CNTNAP2: variants seen among roughly 807,000 people sequenced by gnomAD.
The protein encoded by CNTNAP2 is contactin associated protein 2.
A neutral mutation model predicts 155.2 loss-of-function variants in CNTNAP2; 98 were observed. The ratio of observed to expected loss-of-function variants is 0.63; its 90% CI spans 0.54 to 0.75. The LOEUF (loss-of-function observed/expected upper bound fraction) is 0.75. Among genes scored for constraint, CNTNAP2 ranks in the 30% least tolerant of loss-of-function variants. The pLI is 0.00. For missense variants in CNTNAP2, 1,727 were observed against 1,688.1 expected, an observed-to-expected ratio of 1.02 and a Z score of -0.40; for synonymous variants, 651 against 631.2, an observed-to-expected ratio of 1.03 and a Z score of -0.47.
chr7:148,295,182 T>C (rs1315897450), intron 21 of CNTNAP2, among the ~76,000 whole-genome samples: 1 of 152,336 alleles, frequency 6.6e-6, no homozygotes, highest in African/African-American at 2.4e-5. Flanking sequence ...AAATTTGTGA[T>C]GATCCACTTA....
At chr7:148,062,011 T>TAGAG (rs374161359) in intron 15 of CNTNAP2, among the ~76,000 whole-genome samples, 2,995 of 83,628 alleles carry the variant, frequency 0.036, 172 homozygotes, top group East Asian at 0.12. Context: ...AGATAGATGA[T>TAGAG]AGAGAGAGAG....
At chr7:147,351,927 C>T (rs1425223454) in intron 9 of CNTNAP2, among the ~76,000 whole-genome samples, 6 of 151,886 alleles carry the variant, frequency 4.0e-5, no homozygotes, top group African/African-American at 1.4e-4. Flanking sequence ...AATCTTCTTT[C>T]AATGGCCGTG....
intron 3 of CNTNAP2, among the ~76,000 whole-genome samples, chr7:146,854,729 GT>G (rs1339561347): frequency 3.9e-5 from 6 of 152,134 alleles, no homozygotes; most frequent in Non-Finnish European, 5.9e-5. Flanking sequence ...AAAGAAATAT[GT>G]TTGGATGTCA....
chr7:147,907,239 G>A (rs2116758188), intron 14 of CNTNAP2, among the ~76,000 whole-genome samples: 1 of 152,076 alleles, frequency 6.6e-6, no homozygotes, highest in East Asian at 1.9e-4. Context: ...TGTATTTTTA[G>A]TAGAGACGGG....
chr7:147,874,970 C>T (rs1799398553), intron 13 of CNTNAP2, among the ~76,000 whole-genome samples: 1 of 152,154 alleles, frequency 6.6e-6, no homozygotes. Flanking sequence ...CATCTGAGAC[C>T]ACCTCAGCCT....
intron 13 of CNTNAP2, among the ~76,000 whole-genome samples, chr7:147,833,527 A>G (rs1317085936): frequency 1.3e-5 from 2 of 152,202 alleles, no homozygotes; most frequent in Non-Finnish European, 2.9e-5. Context: ...GAGGAAGGCC[A>G]GTCACTGCTG....
chr7:148,351,571 C>T (rs1798426052), intron 21 of CNTNAP2, among the ~76,000 whole-genome samples: 2 of 151,528 alleles, frequency 1.3e-5, no homozygotes, highest in Admixed American at 1.3e-4. Flanking sequence ...GGTGAAACCC[C>T]ATCTCTACTA....
chr7:147,790,365 T>G (rs1797801529), intron 13 of CNTNAP2, among the ~76,000 whole-genome samples: 1 of 152,218 alleles, frequency 6.6e-6, no homozygotes, highest in Admixed American at 6.5e-5. Flanking sequence ...TACTACTGTC[T>G]CCTTAATGCC....
At chr7:148,168,905 A>G (rs1037225349) in intron 17 of CNTNAP2, among the ~76,000 whole-genome samples, 10 of 152,190 alleles carry the variant, frequency 6.6e-5, no homozygotes, top group Admixed American at 2.6e-4. Flanking sequence ...TTGAATAATC[A>G]TATTATTTTG....
intron 1 of CNTNAP2, among the ~76,000 whole-genome samples, chr7:146,291,796 ATATC>A (rs1262030785): frequency 2.6e-5 from 4 of 152,226 alleles, no homozygotes; most frequent in Non-Finnish European, 4.4e-5. Flanking sequence ...ACACAGGTGA[ATATC>A]TATGAGGTAT....
At chr7:146,235,892 C>A (rs73739590) in intron 1 of CNTNAP2, among the ~76,000 whole-genome samples, 1 of 151,782 alleles carries the variant, frequency 6.6e-6, no homozygotes, top group African/African-American at 2.4e-5. Context: ...TGTCTTATAA[C>A]CAATTATGGA....
intron 9 of CNTNAP2, among the ~76,000 whole-genome samples, chr7:147,368,875 G>A (rs1796291271): frequency 6.6e-6 from 1 of 152,158 alleles, no homozygotes; most frequent in South Asian, 2.1e-4. Context: ...TGTATAAGAT[G>A]CCAACATGAA....
chr7:147,705,351 G>T (rs919847243), intron 13 of CNTNAP2, among the ~76,000 whole-genome samples: 1 of 152,014 alleles, frequency 6.6e-6, no homozygotes, highest in Non-Finnish European at 1.5e-5. Flanking sequence ...ATGTATTTCT[G>T]CAGTTTTTAA....
chr7:147,267,244 C>A (rs1253553689), intron 8 of CNTNAP2, among the ~76,000 whole-genome samples: 1 of 152,154 alleles, frequency 6.6e-6, no homozygotes, highest in East Asian at 1.9e-4. Flanking sequence ...CTTTTTACAT[C>A]TATCTGCATT....
intron 1 of CNTNAP2, among the ~76,000 whole-genome samples, chr7:146,147,393 C>T (rs553544494): frequency 4.4e-4 from 67 of 152,212 alleles, no homozygotes; most frequent in African/African-American, 1.3e-3. Context: ...AAATACATGT[C>T]TTGTGAAAGG....
intron 1 of CNTNAP2, among the ~76,000 whole-genome samples, chr7:146,544,151 A>G (rs1442665744): frequency 1.3e-5 from 2 of 152,110 alleles, no homozygotes; most frequent in African/African-American, 2.4e-5. Flanking sequence ...TTCTTGAAAC[A>G]TAAGAATGTC....
At chr7:147,680,091 T>A (rs1238593719) in intron 13 of CNTNAP2, among the ~76,000 whole-genome samples, 1 of 151,532 alleles carries the variant, frequency 6.6e-6, no homozygotes, top group Non-Finnish European at 1.5e-5. Flanking sequence ...TTTACAAACA[T>A]CAAATAGCAA....
At chr7:147,547,200 A>G (rs916099514) in intron 11 of CNTNAP2, among the ~76,000 whole-genome samples, 26 of 152,244 alleles carry the variant, frequency 1.7e-4, no homozygotes, top group African/African-American at 6.0e-4. Flanking sequence ...AGATTGGCAG[A>G]ATAAGTGATA....
chr7:147,973,891 G>T (rs147522410), intron 14 of CNTNAP2, among the ~76,000 whole-genome samples: 14 of 152,144 alleles, frequency 9.2e-5, no homozygotes, highest in African/African-American at 2.9e-4. Flanking sequence ...TGAGAATAAT[G>T]TACATTATCT....
Sources: allele counts gnomAD v4.1 joint callset (sites outside exome capture counted in the v4.1 genomes callset), GRCh38; gene constraint gnomAD v4.1.1; transcripts MANE v1.5; gene names NCBI Gene and HGNC (gene_info 2026-07-23, HGNC 2026-07-21).